Variants in PHIP observed in about 807,000 individuals in gnomAD.
The protein encoded by PHIP is PH-interacting protein.
A neutral mutation model predicts 236.8 loss-of-function variants in PHIP; 54 were observed. That is an observed-to-expected ratio of 0.23 (90% CI 0.18 to 0.29). The LOEUF is 0.29. PHIP is among the 10% of genes least tolerant of loss of function. The pLI, the probability that PHIP is intolerant of heterozygous loss-of-function variation, is 1.00. For missense variants in PHIP, 1,370 were observed against 2,190.8 expected, an observed-to-expected ratio of 0.63 and a Z score of 7.48; for synonymous variants, 756 against 718.9, an observed-to-expected ratio of 1.05 and a Z score of -0.83.
At chr6:79,058,315 G>A (rs910179919) in intron 6 of PHIP, among the ~76,000 whole-genome samples, 1 of 151,970 alleles carries the variant, frequency 6.6e-6, no homozygotes, top group Non-Finnish European at 1.5e-5. Flanking sequence ...ATCCACTACG[G>A]ATCTCAGAAT....
intron 22 of PHIP, among the ~76,000 whole-genome samples, chr6:78,984,504 C>G (rs1326447183): frequency 6.6e-6 from 1 of 152,170 alleles, no homozygotes; most frequent in East Asian, 1.9e-4. Flanking sequence ...CAACCGTCCT[C>G]AACTGCTAAA....
intron 22 of PHIP, among the ~76,000 whole-genome samples, chr6:78,984,799 A>C (rs1404546210): frequency 6.6e-6 from 1 of 152,144 alleles, no homozygotes; most frequent in Non-Finnish European, 1.5e-5. Flanking sequence ...TAAGTGTAGC[A>C]GCTAATCATA....
intron 9 of PHIP, among the ~76,000 whole-genome samples, chr6:79,023,707 T>G (rs1410960251): frequency 1.3e-5 from 2 of 152,100 alleles, no homozygotes; most frequent in African/African-American, 2.4e-5. Context: ...TATATGTGAT[T>G]CTACATAAAG....
At chr6:79,004,894 A>G (rs1313143254) in intron 15 of PHIP, among the ~76,000 whole-genome samples, 1 of 152,092 alleles carries the variant, frequency 6.6e-6, no homozygotes, top group Non-Finnish European at 1.5e-5. Flanking sequence ...AGAATAACTG[A>G]TTTCTCAAGG....
intron 17 of PHIP, among the ~76,000 whole-genome samples, chr6:78,999,206 G>A (rs1228834209): frequency 6.6e-6 from 1 of 152,180 alleles, no homozygotes; most frequent in Non-Finnish European, 1.5e-5. Flanking sequence ...ATTCTTACTT[G>A]TCATAGAGGA....
intron 19 of PHIP, among the ~76,000 whole-genome samples, chr6:78,991,970 T>C (rs1286663053): frequency 6.6e-6 from 1 of 151,296 alleles, no homozygotes; most frequent in Admixed American, 6.6e-5. Context: ...GTAACTTTTT[T>C]TTTTTTTTTT....
chr6:78,955,481 G>GT (rs373838156), intron 33 of PHIP, 132 bp downstream of exon 33: 4,150 of 445,482 alleles, frequency 9.3e-3, no homozygotes, highest in South Asian at 0.012. Flanking sequence ...ACTGCCAGTT[G>GT]TTTTTTTTTT....
chr6:79,048,191 T>G (rs188239102), intron 6 of PHIP, among the ~76,000 whole-genome samples: 1 of 152,102 alleles, frequency 6.6e-6, no homozygotes, highest in African/African-American at 2.4e-5. Flanking sequence ...TTACAAAATT[T>G]TGTTGGAAAT....
intron 7 of PHIP, 55 bp downstream of exon 7, chr6:79,042,788 C>A: frequency 7.8e-7 from 1 of 1,283,242 alleles, no homozygotes; most frequent in Non-Finnish European, 1.1e-6. Flanking sequence ...CACCTATAAG[C>A]AATATTTCCT....
chr6:78,940,669 T>C lies in PHIP; in HGVS notation c.*24A>G. The C allele has an allele frequency of 6.5e-7, 1 of 1,547,536 alleles. No individual in the cohort carries two copies. Among genetic ancestry groups the C allele is most frequent in the Non-Finnish European group, 8.8e-7 (1 of 1,131,626 alleles). On this transcript the variant is annotated 3_prime_UTR_variant, in exon 40 of 40. Coordinates refer to ENST00000275034, the MANE Select transcript of PHIP (RefSeq NM_017934.7). Reference sequence around the variant, plus strand: ...TTAACTGTACCTGCTTTATAGATTTTGAAGTAAAATATTTTGGTACAAGTT... The same window carrying C: ...TTAACTGTACCTGCTTTATAGATTTCGAAGTAAAATATTTTGGTACAAGTT...
chr6:79,037,674 A>C (rs1772006761), intron 7 of PHIP, among the ~76,000 whole-genome samples: 1 of 152,246 alleles, frequency 6.6e-6, no homozygotes, highest in South Asian at 2.1e-4. Context: ...AGTCTGAAGT[A>C]CAAGAGATCA....
At position 78,985,381 on chromosome 6, in the gene PHIP, CTCT is replaced by C. The variant is rs765827406; in HGVS notation, c.2505_2507del (p.Glu836del). Reference sequence around the variant, plus strand: ...AACTGCCATCACTGTGCCATGCTCTCTCTTCTTCTTCGGATGTTCCACCACTGA... The same window carrying C: ...AACTGCCATCACTGTGCCATGCTCTCTCTTCTTCGGATGTTCCACCACTGA... On this transcript the variant is annotated inframe_deletion, in exon 22 of 40. Transcript: ENST00000275034. 1.1e-4 allele frequency: 180 copies of C among 1,602,238 alleles called. No homozygotes were observed. The Admixed American group carries it at 2.8e-3, about 25-fold the overall frequency.
rs140115259 is a variant in PHIP at position 78,946,019 on chromosome 6, C to T, written c.4612G>A (p.Ala1538Thr). The change falls in exon 38 of 40, where the codon GCA becomes ACA. Residue 1538 changes from alanine (A) to threonine (T), a missense_variant. This residue lies in a region of PHIP where 309 missense variants were observed against 328.3 expected (regional missense o/e 0.94). Transcript: ENST00000275034. ...GTCTTACTTGTTTTCCCTGGTATTGCAGATGCATTAGCTTTTGTAATAAAA... is the reference window on the plus strand; with the variant it reads ...GTCTTACTTGTTTTCCCTGGTATTGTAGATGCATTAGCTTTTGTAATAAAA... ...KTFITKANAS[A>T]IPGKTILENS... 2 of 1,607,334 alleles carry T rather than the reference C, an allele frequency of 1.2e-6. No individual in the cohort carries two copies. Among genetic ancestry groups the T allele is most frequent in the Non-Finnish European group, 1.7e-6 (2 of 1,174,002 alleles).
rs1450845442 is a variant in PHIP at position 79,078,143 on chromosome 6, C to T, written c.-75G>A. The stretch of plus-strand genomic sequence containing the variant: ...GAAGCGGGGACGGTGCCGCCGCCTG[C>T]CCTATAGCTGTCAGTGTGTGTTCAC... On this transcript the variant is annotated 5_prime_UTR_variant, in exon 1 of 40. Coordinates refer to ENST00000275034, the MANE Select transcript of PHIP (RefSeq NM_017934.7). 2 of 1,455,750 alleles carry T rather than the reference C, an allele frequency of 1.4e-6. No individual in the cohort carries two copies. The highest frequency in any genetic ancestry group is 1.9e-6 in the Non-Finnish European group (2 of 1,050,262). 90.2% of individuals were successfully genotyped at this position (1,455,750 alleles called of 1,614,324 possible).
chr6:79,072,813 A>G (rs1468066435), intron 4 of PHIP, among the ~76,000 whole-genome samples: 1 of 152,294 alleles, frequency 6.6e-6, no homozygotes, highest in Non-Finnish European at 1.5e-5. Context: ...CTATGTTCAG[A>G]AAGTATATAC....
At chr6:79,068,919 T>C (rs1419824892) in intron 4 of PHIP, among the ~76,000 whole-genome samples, 1 of 152,066 alleles carries the variant, frequency 6.6e-6, no homozygotes, top group Non-Finnish European at 1.5e-5. Context: ...CCAGTATCAT[T>C]TGTCTAACTA....
In PHIP at chr6:78,935,741, A is replaced by G; in HGVS notation, c.*4952T>C. 1.0e-6 allele frequency: 1 copy of G among 985,294 alleles called. No homozygotes were observed. The allele number at this position is 985,294 out of a possible 1,614,324, so 61.0% of individuals were successfully genotyped here. On this transcript the variant is annotated 3_prime_UTR_variant, in exon 40 of 40. Transcript: ENST00000275034. Reference sequence around the variant, plus strand: ...GCACTGGAAACTCTAATGAACCAGCATTTACATAATGGTATCTGCCATATG... The same window carrying G: ...GCACTGGAAACTCTAATGAACCAGCGTTTACATAATGGTATCTGCCATATG...
intron 36 of PHIP, 126 bp from the exon 37 acceptor site, chr6:78,947,000 C>A (rs983186266): frequency 1.9e-6 from 1 of 534,798 alleles, no homozygotes; most frequent in Non-Finnish European, 3.2e-6. Flanking sequence ...TTTTTACATC[C>A]CTTTTTCCTA....
chr6:79,009,427 G>A (rs1304840840), intron 15 of PHIP, among the ~76,000 whole-genome samples: 2 of 151,802 alleles, frequency 1.3e-5, no homozygotes, highest in African/African-American at 2.4e-5. Flanking sequence ...GTCTCCAATC[G>A]TCCACCCTGA....
Sources: gnomAD v4.1 joint callset for allele counts (sites outside exome capture counted in the v4.1 genomes callset) on GRCh38, gnomAD v4.1.1 for gene constraint, gnomAD v4.1.1 regional missense constraint, MANE v1.5 for transcripts, NCBI Gene and HGNC (gene_info 2026-07-23, HGNC 2026-07-21) for gene names.